The following SGCZ variants were observed in gnomAD, a reference collection of about 807,000 sequenced individuals.
SGCZ encodes the protein zeta-sarcoglycan.
A neutral mutation model predicts 41.3 loss-of-function variants in SGCZ; 40 were observed. That is an observed-to-expected ratio of 0.97 (90% CI 0.75 to 1.26). The LOEUF (loss-of-function observed/expected upper bound fraction) is 1.26, where lower values mean the gene tolerates loss of function less well. Ranked by LOEUF, SGCZ falls within the 50% of genes most tolerant of loss-of-function variation. SGCZ has a pLI of 0.00. For synonymous variants in SGCZ, 206 were observed against 137.5 expected, an observed-to-expected ratio of 1.50 and a Z score of -3.49; for missense variants, 552 against 369.8, an observed-to-expected ratio of 1.49 and a Z score of -4.04.
intron 2 of SGCZ, among the ~76,000 whole-genome samples, chr8:14,551,541 TAATATATATAATATATATTA>T (rs1563404660): frequency 0.35 from 5,067 of 14,490 alleles, 875 homozygotes; most frequent in Non-Finnish European, 0.47. Flanking sequence ...ATAATATATA[TAATATATATAATATATATTA>T]TATATATAAT....
chr8:14,873,339 CAT>C (rs1804234724), intron 1 of SGCZ, among the ~76,000 whole-genome samples: 1 of 152,024 alleles, frequency 6.6e-6, no homozygotes, highest in Admixed American at 6.6e-5. Flanking sequence ...AGAGTAATAT[CAT>C]ATTTTTTTTA....
At chr8:14,932,821 T>C (rs973965815) in intron 1 of SGCZ, among the ~76,000 whole-genome samples, 1 of 152,008 alleles carries the variant, frequency 6.6e-6, no homozygotes, top group African/African-American at 2.4e-5. Context: ...TTACAGAGCT[T>C]GAACTAAAAC....
intron 1 of SGCZ, among the ~76,000 whole-genome samples, chr8:14,678,425 A>G (rs1808341671): frequency 6.6e-6 from 1 of 152,236 alleles, no homozygotes; most frequent in Admixed American, 6.5e-5. Flanking sequence ...GTAAATAACC[A>G]TATGACAAGA....
rs556803832 is a variant in SGCZ at position 14,309,496 on chromosome 8, T to C, written c.336+14607A>G. On this transcript the variant is annotated intron_variant, in intron 3 of 7. Transcript: ENST00000382080. ...GCGCTGTTGTTAATGTTAGAGCTAA[T>C]TGTGATAAGAGAGCAGTGTGGACTA... 90 of 1,608,446 alleles carry C rather than the reference T, an allele frequency of 5.6e-5. No homozygotes were observed. In the South Asian group the frequency reaches 5.9e-4, roughly 11 times the overall value.
intron 1 of SGCZ, among the ~76,000 whole-genome samples, chr8:14,852,151 C>T (rs888945249): frequency 3.9e-5 from 6 of 152,066 alleles, no homozygotes; most frequent in Non-Finnish European, 7.4e-5. Context: ...ACTTCTCCTG[C>T]CAAGTCAGCT....
chr8:14,840,449 T>C lies in SGCZ; in HGVS notation c.40-285523A>G, dbSNP rs573049646. Among the ~76,000 whole-genome samples the C allele has an allele frequency of 2.6e-5, 4 of 152,206 alleles. 1 individual carries two copies. Among genetic ancestry groups the C allele is most frequent in the East Asian group, 3.9e-4 (2 of 5,186 alleles). On this transcript the variant is annotated intron_variant, in intron 1 of 7. Coordinates refer to ENST00000382080, the MANE Select transcript of SGCZ (RefSeq NM_139167.4). ...TAATACAATGTTGCGGAAAACAATA[T>C]ATCAACGTTCCGTGGCCAGGAAAAG... is the stretch of plus-strand genomic sequence containing the variant.
chr8:14,482,658 T>C (rs1318812733), intron 2 of SGCZ, among the ~76,000 whole-genome samples: 2 of 152,018 alleles, frequency 1.3e-5, no homozygotes, highest in Admixed American at 1.3e-4. Context: ...CTGGAAGATA[T>C]TAGCATCTGC....
intron 1 of SGCZ, among the ~76,000 whole-genome samples, chr8:14,703,662 A>G (rs1355323844): frequency 6.6e-6 from 1 of 152,002 alleles, no homozygotes; most frequent in Non-Finnish European, 1.5e-5. Context: ...GTATATTTCT[A>G]AAACCTTTAT....
chr8:14,600,030 C>T (rs1384493533), intron 1 of SGCZ, among the ~76,000 whole-genome samples: 2 of 152,152 alleles, frequency 1.3e-5, no homozygotes, highest in African/African-American at 4.8e-5. Context: ...TCTTTATCCT[C>T]AGCAAGGAAG....
At chr8:15,190,675 T>G (rs1800506337) in intron 1 of SGCZ, among the ~76,000 whole-genome samples, 1 of 150,030 alleles carries the variant, frequency 6.7e-6, no homozygotes, top group Non-Finnish European at 1.5e-5. Context: ...TTATTTAAAA[T>G]TGTGTGGGGG....
chr8:14,153,428 C>G (rs1414917433), intron 5 of SGCZ, among the ~76,000 whole-genome samples: 3 of 152,106 alleles, frequency 2.0e-5, no homozygotes, highest in Non-Finnish European at 1.5e-5. Context: ...GAATCAGTTA[C>G]CTAACCTGGT....
chr8:15,077,847 A>G (rs1431272651), intron 1 of SGCZ, among the ~76,000 whole-genome samples: 1 of 152,198 alleles, frequency 6.6e-6, no homozygotes, highest in Non-Finnish European at 1.5e-5. Flanking sequence ...ATTTCTCTTT[A>G]AAAACCTTTT....
At chr8:14,260,224 T>A (rs1249541232) in intron 3 of SGCZ, among the ~76,000 whole-genome samples, 13 of 152,044 alleles carry the variant, frequency 8.6e-5, no homozygotes, top group South Asian at 2.1e-4. Context: ...ATCCAGAATC[T>A]ACAATGAACT....
chr8:14,585,134 T>C (rs575516648), intron 1 of SGCZ, among the ~76,000 whole-genome samples: 1 of 152,258 alleles, frequency 6.6e-6, no homozygotes, highest in South Asian at 2.1e-4. Flanking sequence ...TCTCTACTAA[T>C]AAACATTAGC....
At chr8:14,676,890 C>A (rs1808295646) in intron 1 of SGCZ, among the ~76,000 whole-genome samples, 1 of 151,964 alleles carries the variant, frequency 6.6e-6, no homozygotes, top group Non-Finnish European at 1.5e-5. Flanking sequence ...AGATTTACTG[C>A]AAAGATAAGG....
intron 2 of SGCZ, among the ~76,000 whole-genome samples, chr8:14,474,397 A>T (rs1463547004): frequency 6.6e-6 from 1 of 152,224 alleles, no homozygotes. Flanking sequence ...ACACACATAT[A>T]TGTGAGCACA....
intron 1 of SGCZ, among the ~76,000 whole-genome samples, chr8:15,074,481 T>C (rs1227900777): frequency 1.3e-5 from 2 of 152,182 alleles, no homozygotes; most frequent in African/African-American, 2.4e-5. Flanking sequence ...CCTTAGTCTT[T>C]TAAAGTAAAA....
At chr8:14,213,589 G>A (rs963448277) in intron 4 of SGCZ, among the ~76,000 whole-genome samples, 7 of 151,694 alleles carry the variant, frequency 4.6e-5, no homozygotes, top group African/African-American at 9.7e-5. Flanking sequence ...CTATTAGCAC[G>A]CTTTAAATTT....
chr8:14,109,658 G>C (rs888785297), intron 5 of SGCZ, among the ~76,000 whole-genome samples: 1 of 152,072 alleles, frequency 6.6e-6, no homozygotes, highest in African/African-American at 2.4e-5. Context: ...ATTGCCACTA[G>C]GAAATTAAAG....
Sources: allele counts gnomAD v4.1 joint callset (sites outside exome capture counted in the v4.1 genomes callset), GRCh38; gene constraint gnomAD v4.1.1; transcripts MANE v1.5; gene names NCBI Gene and HGNC (gene_info 2026-07-23, HGNC 2026-07-21).